DDX17: variants seen among roughly 807,000 people sequenced by gnomAD.
DDX17 encodes DEAD-box helicase 17.
DDX17 carries 10 observed loss-of-function variants against 80.8 expected under a neutral mutation model. The ratio of observed to expected loss-of-function variants is 0.12; its 90% CI spans 0.08 to 0.21. The LOEUF is 0.21. Among genes scored for constraint, DDX17 ranks in the 10% least tolerant of loss-of-function variants. The pLI, the probability that DDX17 is intolerant of heterozygous loss-of-function variation, is 1.00. For missense variants in DDX17, 586 were observed against 957.4 expected (o/e 0.61, Z 5.12); for synonymous variants, 339 against 336.2 (o/e 1.01, Z -0.09).
rs1306949502 is a variant in DDX17, at chr22:38,499,458, C to A, written c.480G>T (p.Val160=). 6.2e-7 allele frequency: 1 copy of A among 1,614,156 alleles called. No individual in the cohort carries two copies. The highest frequency in any genetic ancestry group is 2.2e-5 in the East Asian group (1 of 44,874). ...GTTTAGGACAAACATCTCCCCCCCTCACTGTAATCTCCTTCTTTCGGCGTA... is the reference window on the plus strand; with the variant it reads ...GTTTAGGACAAACATCTCCCCCCCTAACTGTAATCTCCTTCTTTCGGCGTA... Residue 160 remains valine (V), a synonymous_variant, in exon 3 of 13, where the codon GTG becomes GTT. Coordinates refer to ENST00000403230, the MANE Select transcript of DDX17 (RefSeq NM_006386.5).
chr22:38,502,988 C>T (rs1245214103), intron 1 of DDX17, among the ~76,000 whole-genome samples: 1 of 152,150 alleles, frequency 6.6e-6, no homozygotes, highest in African/African-American at 2.4e-5. Context: ...TAAATACATA[C>T]GTAACAAAAA....
intron 5 of DDX17, 106 bp from the exon 6 acceptor site, chr22:38,496,043 A>G (rs943550869): frequency 1.3e-5 from 13 of 1,039,486 alleles, no homozygotes; most frequent in Non-Finnish European, 1.6e-5. Context: ...TTTGCTGTCT[A>G]ATCTAGCACA....
At position 38,501,296 on chromosome 22, in the gene DDX17, T is replaced by G; in HGVS notation, c.288-16A>C. Reference sequence around the variant, plus strand: ...TGCTCCAAATCTAGGAACAGAATTTTTAGTTAGTTCATCAGTATTTTTAAA... The same window carrying G: ...TGCTCCAAATCTAGGAACAGAATTTGTAGTTAGTTCATCAGTATTTTTAAA... On this transcript the variant is annotated splice_polypyrimidine_tract_variant and intron_variant, in intron 1 of 12. Coordinates refer to ENST00000403230, the MANE Select transcript of DDX17 (RefSeq NM_006386.5). The G allele has an allele frequency of 6.3e-7, 1 of 1,599,920 alleles. No individual in the cohort carries two copies. Among genetic ancestry groups the G allele is most frequent in the Non-Finnish European group, 8.5e-7 (1 of 1,174,416 alleles).
At chr22:38,495,072 C>G (rs752854960) in intron 6 of DDX17, 26 bp from the exon 7 acceptor site, 22 of 1,602,180 alleles carry the variant, frequency 1.4e-5, no homozygotes, top group Non-Finnish European at 1.8e-5. Flanking sequence ...AATGATCGAG[C>G]CAATCGACTA....
At position 38,486,388 on chromosome 22, in the gene DDX17, C is replaced by T; in HGVS notation, c.1737G>A (p.Met579Ile). ...GCCTTCGGTCACACTCATCCTGATACATCAGATTGGGATTGTTGGCTGAAG... is the reference window on the plus strand; with the variant it reads ...GCCTTCGGTCACACTCATCCTGATATATCAGATTGGGATTGTTGGCTGAAG... Residue 579 changes from methionine to isoleucine, a missense_variant, in exon 13 of 13, where the codon ATG (methionine) becomes ATA (isoleucine). Physicochemically the swap from Met to Ile is conservative, Grantham distance 10. This residue lies in a region of DDX17 where 221 missense variants were observed against 261.4 expected (regional missense o/e 0.85). Coordinates refer to ENST00000403230, the MANE Select transcript of DDX17 (RefSeq NM_006386.5). 3 of 1,613,828 alleles carry T rather than the reference C, an allele frequency of 1.9e-6. No homozygotes were observed. The highest frequency in any genetic ancestry group is 2.5e-6 in the Non-Finnish European group (3 of 1,179,874).
rs947987562 is a variant in DDX17, at chr22:38,485,828, AAAG to A, written c.*104_*106del. The A allele has an allele frequency of 2.1e-6, 3 of 1,401,340 alleles. No homozygotes were observed. Among genetic ancestry groups the A allele is most frequent in the African/African-American group, 2.9e-5 (2 of 68,412 alleles). The allele number at this position is 1,401,340 out of a possible 1,614,324, so 86.8% of individuals were successfully genotyped here. A position where few individuals can be genotyped will look rare whatever the true frequency, so the allele number is the denominator to read the frequency against. ...TTGGGGGGAAAAATTAAAAAAAAAAAAAGAAAAAAGGAAAAAAAAAGAAAAGGC... is the reference window on the plus strand; with the variant it reads ...TTGGGGGGAAAAATTAAAAAAAAAAAAAAAAAGGAAAAAAAAAGAAAAGGC... On this transcript the variant is annotated 3_prime_UTR_variant, in exon 13 of 13. Coordinates refer to ENST00000403230, the MANE Select transcript of DDX17 (RefSeq NM_006386.5).
intron 2 of DDX17, among the ~76,000 whole-genome samples, chr22:38,500,532 G>A (rs1048202203): frequency 1.3e-5 from 2 of 152,018 alleles, no homozygotes; most frequent in Non-Finnish European, 2.9e-5. Context: ...AAAGAGGCTG[G>A]GCGTGGTGGC....
intron 1 of DDX17, among the ~76,000 whole-genome samples, chr22:38,504,764 A>G (rs2089863232): frequency 6.6e-6 from 1 of 152,242 alleles, no homozygotes; most frequent in South Asian, 2.1e-4. Flanking sequence ...CAGTGAGACT[A>G]TTACATCCAT....
intron 1 of DDX17, among the ~76,000 whole-genome samples, chr22:38,503,966 T>C (rs2089855489): frequency 6.6e-6 from 1 of 152,254 alleles, no homozygotes; most frequent in African/African-American, 2.4e-5. Flanking sequence ...AAAAATGTCA[T>C]CTGATACTCA....
chr22:38,504,100 C>A (rs967431430), intron 1 of DDX17, among the ~76,000 whole-genome samples: 1 of 152,118 alleles, frequency 6.6e-6, no homozygotes, highest in Non-Finnish European at 1.5e-5. Context: ...TAACTTGTAG[C>A]CCCTCTATGT....
chr22:38,499,390 G>C lies in DDX17; in HGVS notation c.538+10C>G, dbSNP rs769260944. 6.2e-7 allele frequency: 1 copy of C among 1,606,038 alleles called. No individual in the cohort carries two copies. Among genetic ancestry groups the C allele is most frequent in the Non-Finnish European group, 8.5e-7 (1 of 1,172,734 alleles). Reference sequence around the variant, plus strand: ...TAACAAATTAAGGTTCTAGATTGAAGAACACTTACGTGGGAAGTTAGCATG... The same window carrying C: ...TAACAAATTAAGGTTCTAGATTGAACAACACTTACGTGGGAAGTTAGCATG... On this transcript the variant is annotated intron_variant, in intron 3 of 12. Transcript: ENST00000403230.
intron 5 of DDX17, among the ~76,000 whole-genome samples, chr22:38,496,313 ATTTAC>A (rs747979227): frequency 4.6e-5 from 7 of 152,150 alleles, no homozygotes; most frequent in Non-Finnish European, 1.0e-4. Flanking sequence ...TCCAGCAAGC[ATTTAC>A]TTTGAGGATC....
chr22:38,489,396 C>T lies in DDX17; in HGVS notation c.1448-1281G>A. On this transcript the variant is annotated intron_variant, in intron 11 of 12. Transcript: ENST00000403230. The surrounding 1 kb of genome is among the most constrained non-coding windows in gnomAD (Gnocchi z 4.6). ...GCAGTGAGAAGTCCCCACACACGCT[C>T]GCTCTGTGAACTGGCTTAGATGCTT... 2 of 985,794 alleles carry T rather than the reference C, an allele frequency of 2.0e-6. No individual in the cohort carries two copies. Among genetic ancestry groups the T allele is most frequent in the African/African-American group, 1.7e-5 (1 of 57,318 alleles). The allele number at this position is 985,794 out of a possible 1,614,324, so 61.1% of individuals were successfully genotyped here.
At chr22:38,493,954 A>T (rs2089737047) in intron 9 of DDX17, 67 bp downstream of exon 9, 1 of 1,358,816 alleles carries the variant, frequency 7.4e-7, no homozygotes, top group Non-Finnish European at 1.0e-6. Context: ...CAACATTTGG[A>T]ATACCAATTT....
intron 12 of DDX17, among the ~76,000 whole-genome samples, chr22:38,487,145 G>GC (rs1191910718): frequency 6.6e-6 from 1 of 152,152 alleles, no homozygotes; most frequent in Non-Finnish European, 1.5e-5. Context: ...TCCAGTCTGG[G>GC]CAACAGAGTG....
At chr22:38,498,711 G>T in intron 3 of DDX17, 138 bp from the exon 4 acceptor site, 1 of 879,592 alleles carries the variant, frequency 1.1e-6, no homozygotes, top group South Asian at 1.7e-5. Flanking sequence ...TTATCTACTA[G>T]ATCTCCGACC....
At chr22:38,490,225 C>T (rs2089699669) in intron 11 of DDX17, 1 of 1,222,402 alleles carries the variant, frequency 8.2e-7, no homozygotes, top group Non-Finnish European at 1.0e-6. Context: ...CTAGAAGATG[C>T]TGTAGCAGGG....
intron 11 of DDX17, chr22:38,490,555 G>T (rs2089703853): frequency 2.5e-6 from 2 of 802,164 alleles, no homozygotes; most frequent in Non-Finnish European, 3.5e-6. Flanking sequence ...GCCTAAGGAT[G>T]ACTATTATAA....
intron 9 of DDX17, 45 bp downstream of exon 9, chr22:38,493,976 G>T (rs1010152680): frequency 6.7e-7 from 1 of 1,484,900 alleles, no homozygotes; most frequent in Admixed American, 1.9e-5. Flanking sequence ...GAAATTTCCA[G>T]TTAACTATAA....
Sources: gnomAD v4.1 joint callset for allele counts (sites outside exome capture counted in the v4.1 genomes callset) on GRCh38, gnomAD v4.1.1 for gene constraint, gnomAD v4.1.1 regional missense constraint, Gnocchi (gnomAD v3.1) non-coding constraint, MANE v1.5 for transcripts, NCBI Gene and HGNC (gene_info 2026-07-23, HGNC 2026-07-21) for gene names.